Variants in COL11A1 observed in about 807,000 individuals in gnomAD.
The protein encoded by COL11A1 is collagen type XI alpha 1 chain, also known as collagen alpha-1(XI) chain.
Under a neutral mutation model 265.2 loss-of-function variants are expected in COL11A1, and 74 were observed. The ratio of observed to expected loss-of-function variants is 0.28; its 90% CI spans 0.23 to 0.34. COL11A1 has a LOEUF of 0.34. COL11A1 is among the 10% of genes least tolerant of loss of function. The pLI is 1.00. For synonymous variants in COL11A1, 816 were observed against 727.6 expected (o/e 1.12, Z -1.96); for missense variants, 2,165 against 2,263.6 (o/e 0.96, Z 0.88).
intron 4 of COL11A1, among the ~76,000 whole-genome samples, chr1:103,073,795 T>C (rs1482069043): frequency 1.3e-5 from 2 of 152,022 alleles, no homozygotes; most frequent in African/African-American, 2.4e-5. Context: ...TGTTTGTATA[T>C]ATATATGTGT....
At chr1:102,989,124 C>T (rs190355427) in intron 29 of COL11A1, among the ~76,000 whole-genome samples, 36 of 152,030 alleles carry the variant, frequency 2.4e-4, no homozygotes, top group Non-Finnish European at 4.3e-4. Context: ...AAGTTACAGA[C>T]GTATACTTTC....
intron 52 of COL11A1, 34 bp downstream of exon 52, chr1:102,914,318 C>A: frequency 6.5e-7 from 1 of 1,539,064 alleles, no homozygotes; most frequent in Non-Finnish European, 9.0e-7. Context: ...ACATTCACTC[C>A]AAAATAATTT....
chr1:103,045,163 C>G (rs1208884217), intron 4 of COL11A1, among the ~76,000 whole-genome samples: 1 of 152,044 alleles, frequency 6.6e-6, no homozygotes, highest in East Asian at 1.9e-4. Flanking sequence ...GGAGAGGAGA[C>G]ACTGATAAAC....
chr1:102,921,104 G>T (rs115516103), intron 48 of COL11A1, among the ~76,000 whole-genome samples: 2 of 152,042 alleles, frequency 1.3e-5, no homozygotes, highest in Non-Finnish European at 2.9e-5. Context: ...CACCTATCAC[G>T]CACATATTGC....
intron 1 of COL11A1, among the ~76,000 whole-genome samples, chr1:103,101,234 T>A (rs1674244169): frequency 6.6e-6 from 1 of 151,738 alleles, no homozygotes; most frequent in East Asian, 1.9e-4. Flanking sequence ...ATATGCCACA[T>A]CCTGAAGGGC....
At chr1:102,912,498 C>A (rs1286970473) in intron 53 of COL11A1, among the ~76,000 whole-genome samples, 2 of 152,154 alleles carry the variant, frequency 1.3e-5, no homozygotes, top group Non-Finnish European at 2.9e-5. Context: ...ATCTGGCAAG[C>A]ATTAAACAGG....
At chr1:103,060,169 G>T (rs1670561515) in intron 4 of COL11A1, among the ~76,000 whole-genome samples, 1 of 152,050 alleles carries the variant, frequency 6.6e-6, no homozygotes. Context: ...TGACTTATCA[G>T]AAATCATACA....
rs754889867 is a variant in COL11A1, at chr1:103,014,609, C to T, written c.1489-15G>A. On this transcript the variant is annotated splice_polypyrimidine_tract_variant and intron_variant, in intron 12 of 66. Transcript: ENST00000370096. The stretch of plus-strand genomic sequence containing the variant: ...CCATAACGGAACTTGGAAGAGATAA[C>T]ATTAAGAAATTCAAAATTAGCTTTG... 4 of 1,608,898 alleles carry T rather than the reference C, an allele frequency of 2.5e-6. No homozygotes were observed. The East Asian group carries it at 6.7e-5, about 27-fold the overall frequency.
intron 31 of COL11A1, 136 bp downstream of exon 31, chr1:102,984,002 C>T (rs901409406): frequency 4.6e-6 from 3 of 657,288 alleles, no homozygotes; most frequent in East Asian, 2.9e-5. Context: ...CGTCCACACA[C>T]TCTATGATTT....
At chr1:103,048,716 G>A (rs139174058) in intron 4 of COL11A1, among the ~76,000 whole-genome samples, 2,377 of 152,220 alleles carry the variant, frequency 0.016, 37 homozygotes, top group Non-Finnish European at 0.022. Flanking sequence ...GATCTTTCCT[G>A]CTTTCTCTTG....
chr1:103,018,467 C>A (rs1007353218), intron 10 of COL11A1, among the ~76,000 whole-genome samples: 2 of 152,134 alleles, frequency 1.3e-5, no homozygotes, highest in African/African-American at 4.8e-5. Flanking sequence ...GATAAGGCAG[C>A]TGCAGTCTAC....
chr1:102,880,064 C>G, intron 65 of COL11A1, 148 bp from the exon 66 acceptor site: 1 of 627,906 alleles, frequency 1.6e-6, no homozygotes, highest in Non-Finnish European at 2.8e-6. Context: ...AAAAAGTGTA[C>G]ATTGAGGGTC....
chr1:102,960,887 C>G (rs1229820083), intron 41 of COL11A1, among the ~76,000 whole-genome samples: 5 of 152,000 alleles, frequency 3.3e-5, no homozygotes, highest in Non-Finnish European at 7.4e-5. Context: ...GTATGTTAAA[C>G]TAGTATTCTA....
intron 46 of COL11A1, among the ~76,000 whole-genome samples, chr1:102,924,533 G>A (rs1656364131): frequency 6.6e-6 from 1 of 152,100 alleles, no homozygotes; most frequent in African/African-American, 2.4e-5. Flanking sequence ...CTACTCTGGG[G>A]CATGCATTCA....
chr1:103,023,081 G>T, intron 7 of COL11A1, 85 bp from the exon 8 acceptor site: 1 of 1,428,892 alleles, frequency 7.0e-7, no homozygotes, highest in Non-Finnish European at 9.7e-7. Flanking sequence ...CAATTTGATA[G>T]CGTGTGATGG....
intron 52 of COL11A1, among the ~76,000 whole-genome samples, 159 bp downstream of exon 52, chr1:102,914,193 T>C (rs563574919): frequency 2.0e-5 from 3 of 152,344 alleles, no homozygotes; most frequent in Admixed American, 2.0e-4. Flanking sequence ...TCTCCAACTA[T>C]ATGGATTTTC....
intron 4 of COL11A1, among the ~76,000 whole-genome samples, chr1:103,059,378 G>A (rs993509795): frequency 2.6e-5 from 4 of 151,606 alleles, no homozygotes; most frequent in Non-Finnish European, 5.9e-5. Flanking sequence ...AGTCCTTCCC[G>A]TTTCACCTTA....
At chr1:102,955,219 G>A (rs1660256498) in intron 41 of COL11A1, among the ~76,000 whole-genome samples, 2 of 151,626 alleles carry the variant, frequency 1.3e-5, no homozygotes, top group South Asian at 4.2e-4. Context: ...ATAAGTAAAA[G>A]CCAAGGAAAA....
chr1:102,950,862 A>G (rs1464458518), intron 41 of COL11A1, among the ~76,000 whole-genome samples: 1 of 152,176 alleles, frequency 6.6e-6, no homozygotes, highest in Non-Finnish European at 1.5e-5. Context: ...CAATGGAATC[A>G]TGAGGTCAGT....
Sources: gnomAD v4.1 joint callset for allele counts (sites outside exome capture counted in the v4.1 genomes callset) on GRCh38, gnomAD v4.1.1 for gene constraint, MANE v1.5 for transcripts, NCBI Gene and HGNC (gene_info 2026-07-23, HGNC 2026-07-21) for gene names.